The following RFX4 variants were observed in gnomAD, a reference collection of about 807,000 sequenced individuals.
RFX4 encodes regulatory factor X4.
Under a neutral mutation model 95.0 loss-of-function variants are expected in RFX4, and 10 were observed. The ratio of observed to expected loss-of-function variants is 0.11; its 90% CI spans 0.06 to 0.18. The LOEUF (loss-of-function observed/expected upper bound fraction) is 0.18, where lower values mean the gene tolerates loss of function less well. Among genes scored for constraint, RFX4 ranks in the 10% least tolerant of loss-of-function variants. The pLI is 1.00. For missense variants in RFX4, 640 were observed against 922.0 expected (o/e 0.69, Z 3.96); for synonymous variants, 321 against 340.7 (o/e 0.94, Z 0.64).
intron 7 of RFX4, among the ~76,000 whole-genome samples, chr12:106,694,819 G>C (rs1040204509): frequency 3.9e-5 from 6 of 152,128 alleles, no homozygotes; most frequent in African/African-American, 1.2e-4. Context: ...CAGATCACCT[G>C]AGGTCAGGTA....
At chr12:106,652,013 C>T (rs923356721) in intron 3 of RFX4, among the ~76,000 whole-genome samples, 3 of 152,152 alleles carry the variant, frequency 2.0e-5, no homozygotes, top group African/African-American at 4.8e-5. Flanking sequence ...AACAATGCCG[C>T]GAATGGCAGT....
intron 1 of RFX4, 82 bp from the exon 2 acceptor site, chr12:106,608,715 C>A: frequency 1.6e-6 from 2 of 1,255,650 alleles, no homozygotes; most frequent in Non-Finnish European, 2.2e-6. Flanking sequence ...GATGTTCTGT[C>A]TCTTCACAAA....
chr12:106,630,831 G>A (rs1270207699), intron 2 of RFX4, among the ~76,000 whole-genome samples: 9 of 152,200 alleles, frequency 5.9e-5, no homozygotes, highest in Admixed American at 3.3e-4. Flanking sequence ...ATTTGACATG[G>A]AGGCAGAAAG....
At chr12:106,743,998 T>C (rs148537729) in intron 15 of RFX4, among the ~76,000 whole-genome samples, 1 of 152,230 alleles carries the variant, frequency 6.6e-6, no homozygotes, top group East Asian at 1.9e-4. Context: ...TACAGAAAAA[T>C]ACAGATAAGT....
chr12:106,682,220 A>T, intron 5 of RFX4, 166 bp downstream of exon 5: 1 of 642,690 alleles, frequency 1.6e-6, no homozygotes, highest in Non-Finnish European at 2.7e-6. Flanking sequence ...CTCTCTCAGG[A>T]CTCCTGAAAG....
At position 106,608,888 on chromosome 12, in the gene RFX4, G is replaced by A; in HGVS notation, c.130+5G>A. 1 of 1,606,724 alleles carries A rather than the reference G, an allele frequency of 6.2e-7. No individual in the cohort carries two copies. The highest frequency in any genetic ancestry group is 8.5e-7 in the Non-Finnish European group (1 of 1,178,050). ...GGAATGTTTCTAATGATGAAAGTAAGTGCTTGAAACTCATTCTTCCATGAC... is the reference window on the plus strand; with the variant it reads ...GGAATGTTTCTAATGATGAAAGTAAATGCTTGAAACTCATTCTTCCATGAC... On this transcript the variant is annotated splice_donor_5th_base_variant and intron_variant, in intron 2 of 17. Coordinates refer to ENST00000392842, the MANE Select transcript of RFX4 (RefSeq NM_213594.3).
In RFX4 at chr12:106,604,265, C is replaced by T. The variant is rs56260060; in HGVS notation, c.44-4532C>T. 6.3e-3 allele frequency among the ~76,000 whole-genome samples: 959 copies of T among 151,892 alleles called. 3 individuals are homozygous for T. Among genetic ancestry groups the T allele is most frequent in the South Asian group, 9.6e-3 (46 of 4,796 alleles). ...CCTCCTGCGTAGCTGGGATTACAGG[C>T]GTGTGCTGCCCACACCCGGCTAATT... On this transcript the variant is annotated intron_variant, in intron 1 of 17. Transcript: ENST00000392842.
At chr12:106,760,447 A>G (rs2136109034) in intron 17 of RFX4, among the ~76,000 whole-genome samples, 1 of 152,206 alleles carries the variant, frequency 6.6e-6, no homozygotes, top group East Asian at 1.9e-4. Context: ...GTAGCTACTA[A>G]CACCTGTTCC....
Position 106,638,396 on chromosome 12 carries a change from A to G in RFX4, c.131-936A>G, listed in dbSNP as rs144868952. On this transcript the variant is annotated intron_variant, in intron 2 of 17. Transcript: ENST00000392842. ...CTACATAATATTCTTGATTTTTACTATTGATGCACAAACCCTAAAATATTT... is the reference window on the plus strand; with the variant it reads ...CTACATAATATTCTTGATTTTTACTGTTGATGCACAAACCCTAAAATATTT... Among the ~76,000 whole-genome samples the G allele has an allele frequency of 4.1e-4, 63 of 152,294 alleles. 3 individuals are homozygous for G. The East Asian group carries it at 0.011, about 26-fold the overall frequency.
rs2040098710 is a variant in RFX4 at position 106,617,585 on chromosome 12, G to T, written c.130+8702G>T. Among the ~76,000 whole-genome samples, 2 of 152,072 alleles carry T rather than the reference G, an allele frequency of 1.3e-5. 1 individual carries two copies. The highest frequency in any genetic ancestry group is 4.2e-4 in the South Asian group (2 of 4,816). On this transcript the variant is annotated intron_variant, in intron 2 of 17. Transcript: ENST00000392842. Reference sequence around the variant, plus strand: ...TTGATTTCTCTTTTAGTTCCACTGTGGTCACAGAACACATTCTGTATTATT... The same window carrying T: ...TTGATTTCTCTTTTAGTTCCACTGTTGTCACAGAACACATTCTGTATTATT...
intron 1 of RFX4, chr12:106,601,235 C>T (rs746137492): frequency 1.9e-5 from 30 of 1,555,588 alleles, no homozygotes; most frequent in African/African-American, 8.2e-5. Flanking sequence ...CCACTGCCAC[C>T]GGCAGGGAGC....
intron 1 of RFX4, among the ~76,000 whole-genome samples, chr12:106,599,328 A>G (rs2039665654): frequency 6.6e-6 from 1 of 152,172 alleles, no homozygotes. Context: ...GTGTTATGTT[A>G]GACACAGCTT....
In RFX4 at chr12:106,750,795, T is replaced by C. The variant is rs1405794224; in HGVS notation, c.1935+2T>C. 1 of 1,560,692 alleles carries C rather than the reference T, an allele frequency of 6.4e-7. No homozygotes were observed. Among genetic ancestry groups the C allele is most frequent in the Non-Finnish European group, 8.6e-7 (1 of 1,157,794 alleles). ...CCTTACCACAGGAGCTCTGCACAGG[T>C]GAGTCAGTGGTCCTGGTTTCTTGGC... On this transcript the variant is annotated splice_donor_variant, in intron 17 of 17. Transcript: ENST00000392842. LOFTEE classifies it high-confidence loss of function.
At position 106,633,634 on chromosome 12, in the gene RFX4, A is replaced by G. The variant is rs115524817; in HGVS notation, c.131-5698A>G. Among the ~76,000 whole-genome samples the G allele has an allele frequency of 5.5e-3, 844 of 152,354 alleles. 5 individuals are homozygous for G. Among genetic ancestry groups the G allele is most frequent in the African/African-American group, 0.018 (764 of 41,576 alleles). ...GCTTGGATGAGTCAAGTTGCTGCTC[A>G]AAGTCCACACAGTTGGGGGCAATGC... On this transcript the variant is annotated intron_variant, in intron 2 of 17. Transcript: ENST00000392842.
Position 106,732,234 on chromosome 12 carries a change from G to A in RFX4, c.1456G>A (p.Gly486Arg), listed in dbSNP as rs1278873809. The change falls in exon 14 of 18, where the codon GGA becomes AGA. Residue 486 changes from glycine (G) to arginine (R), a missense_variant. Transcript: ENST00000392842. The stretch of plus-strand genomic sequence containing the variant: ...CAATGAGCTCATGCGAGCCATGAAG[G>A]GAGAAGGAAGCACTGGTAAGCCAGC... ...RANELMRAMK[G>R]EGSTAEVREE... 8 of 1,613,954 alleles carry A rather than the reference G, an allele frequency of 5.0e-6. No homozygotes were observed. Among genetic ancestry groups the A allele is most frequent in the South Asian group, 1.1e-5 (1 of 91,060 alleles).
At chr12:106,696,925 C>T (rs1011388183) in intron 8 of RFX4, among the ~76,000 whole-genome samples, 1 of 152,186 alleles carries the variant, frequency 6.6e-6, no homozygotes, top group Admixed American at 6.5e-5. Flanking sequence ...ATGTACTCTC[C>T]ACCACACTTC....
chr12:106,663,117 A>T (rs1392423375), intron 4 of RFX4, among the ~76,000 whole-genome samples: 1 of 152,052 alleles, frequency 6.6e-6, no homozygotes, highest in African/African-American at 2.4e-5. Context: ...ATTCTGATTG[A>T]GATTGTATTG....
chr12:106,673,446 G>A (rs1390249331), intron 4 of RFX4, among the ~76,000 whole-genome samples: 2 of 152,194 alleles, frequency 1.3e-5, no homozygotes, highest in African/African-American at 2.4e-5. Flanking sequence ...ATCCTGCTAC[G>A]AGCCTGTGAG....
At chr12:106,728,020 A>G (rs946501903) in intron 13 of RFX4, among the ~76,000 whole-genome samples, 4 of 152,152 alleles carry the variant, frequency 2.6e-5, no homozygotes, top group African/African-American at 7.2e-5. Context: ...AGCAAAAGAA[A>G]CTAAAATGTA....
Sources: gnomAD v4.1 joint callset for allele counts (sites outside exome capture counted in the v4.1 genomes callset) on GRCh38, gnomAD v4.1.1 for gene constraint, MANE v1.5 for transcripts, NCBI Gene and HGNC (gene_info 2026-07-23, HGNC 2026-07-21) for gene names.